CRADD: variants seen among roughly 807,000 people sequenced by gnomAD.
CRADD encodes death domain-containing protein CRADD.
In CRADD, 9 loss-of-function variants were observed where a neutral mutation model predicts 15.5. The observed-to-expected ratio is 0.58, with a 90% CI of 0.35 to 1.01. The LOEUF (loss-of-function observed/expected upper bound fraction) is 1.01. Among genes scored for constraint, CRADD ranks in the 50% least tolerant of loss-of-function variants. CRADD has a pLI of 0.02. For missense variants in CRADD, 227 were observed against 250.3 expected (o/e 0.91, Z 0.63); for synonymous variants, 118 against 107.6 (o/e 1.10, Z -0.60).
At chr12:93,871,495 G>C (rs1180435720) in intron 2 of CRADD, among the ~76,000 whole-genome samples, 1 of 152,000 alleles carries the variant, frequency 6.6e-6, no homozygotes, top group African/African-American at 2.4e-5. Flanking sequence ...TCAAATAGTA[G>C]GTCTTATTCA....
chr12:93,788,788 C>A (rs1421509352), intron 2 of CRADD, among the ~76,000 whole-genome samples: 1 of 152,118 alleles, frequency 6.6e-6, no homozygotes, highest in Non-Finnish European at 1.5e-5. Flanking sequence ...GTTTTCCCAC[C>A]ATTTAAGGGA....
chr12:93,733,044 T>C (rs1455330721), intron 2 of CRADD, among the ~76,000 whole-genome samples: 1 of 152,218 alleles, frequency 6.6e-6, no homozygotes, highest in Non-Finnish European at 1.5e-5. Context: ...GGAGTCATAA[T>C]GCTGACCTTT....
intron 2 of CRADD, among the ~76,000 whole-genome samples, chr12:93,759,139 A>G (rs1411436857): frequency 1.3e-5 from 2 of 152,232 alleles, no homozygotes; most frequent in Non-Finnish European, 2.9e-5. Context: ...GTGTTACACA[A>G]TTTGCTATGT....
chr12:93,682,532 G>A (rs1955336747), intron 2 of CRADD, among the ~76,000 whole-genome samples: 1 of 152,160 alleles, frequency 6.6e-6, no homozygotes, highest in African/African-American at 2.4e-5. Context: ...GGTCTTCCCA[G>A]AGATGCTTGG....
intron 2 of CRADD, among the ~76,000 whole-genome samples, chr12:93,883,366 T>A (rs1958515607): frequency 6.6e-6 from 1 of 152,228 alleles, no homozygotes; most frequent in African/African-American, 2.4e-5. Flanking sequence ...ACATTTAAAA[T>A]ATGAAGTATT....
chr12:93,775,140 A>G (rs1957127796), intron 2 of CRADD, among the ~76,000 whole-genome samples: 1 of 152,218 alleles, frequency 6.6e-6, no homozygotes, highest in South Asian at 2.1e-4. Flanking sequence ...GCTCACATTT[A>G]CCATTCATCG....
At chr12:93,681,127 G>T (rs781581018) in intron 2 of CRADD, among the ~76,000 whole-genome samples, 2 of 151,560 alleles carry the variant, frequency 1.3e-5, no homozygotes. Flanking sequence ...CAGGTGATCC[G>T]CCCACCTCGG....
intron 2 of CRADD, among the ~76,000 whole-genome samples, chr12:93,797,547 A>G (rs1179869464): frequency 6.6e-6 from 1 of 151,974 alleles, no homozygotes; most frequent in African/African-American, 2.4e-5. Flanking sequence ...TGGCAGTTTG[A>G]GCCAATTTTT....
intron 2 of CRADD, among the ~76,000 whole-genome samples, chr12:93,881,627 G>C (rs1958503320): frequency 6.6e-6 from 1 of 152,042 alleles, no homozygotes; most frequent in African/African-American, 2.4e-5. Flanking sequence ...AGGTACTGTT[G>C]GTATTACTGG....
chr12:93,827,922 A>G (rs1957843036), intron 2 of CRADD, among the ~76,000 whole-genome samples: 1 of 152,156 alleles, frequency 6.6e-6, no homozygotes, highest in African/African-American at 2.4e-5. Context: ...GGCAACCACT[A>G]TTCTCCGTTT....
In CRADD at chr12:93,742,974, G is replaced by A. The variant is rs1956699858; in HGVS notation, c.298+63902G>A. Among the ~76,000 whole-genome samples the A allele has an allele frequency of 2.0e-5, 3 of 152,130 alleles. No homozygotes were observed. The South Asian group carries it at 6.2e-4, about 31-fold the overall frequency. On this transcript the variant is annotated intron_variant, in intron 2 of 2. Coordinates refer to ENST00000332896, the MANE Select transcript of CRADD (RefSeq NM_003805.5). ...AAGTTCACTTTTGAAAAGAAATCCTGCAGAATTAAAAATAAATGTCTGCCC... is the reference window on the plus strand; with the variant it reads ...AAGTTCACTTTTGAAAAGAAATCCTACAGAATTAAAAATAAATGTCTGCCC...
At chr12:93,677,881 G>C (rs114229918) in intron 1 of CRADD, 1 of 152,670 alleles carries the variant, frequency 6.6e-6, no homozygotes, top group Non-Finnish European at 1.5e-5. Flanking sequence ...TACTGCCCGG[G>C]TGTGTCTGAA....
rs186899207 is a variant in CRADD at position 93,825,198 on chromosome 12, G to A, written c.299-24772G>A. On this transcript the variant is annotated intron_variant, in intron 2 of 2. Transcript: ENST00000332896. ...CTGGGAATTATACTTGAACTAGCCC[G>A]AAATTACTGCCCAGTAATCCTCTTT... Among the ~76,000 whole-genome samples, 42 of 152,252 alleles carry A rather than the reference G, an allele frequency of 2.8e-4. 1 individual carries two copies. In the East Asian group the frequency reaches 7.7e-3, roughly 28 times the overall value.
rs200554379 is a variant in CRADD at position 93,869,217 on chromosome 12, T to C, written c.299-24833T>C. The stretch of plus-strand genomic sequence containing the variant: ...TAGGAGTAAGAGCAAAAATAAAATA[T>C]AACTAGCTTAACAAAGCCTAGAAAC... On this transcript the variant is annotated intron_variant, in intron 2 of 2. Coordinates refer to the CRADD transcript ENST00000548483. Among the ~76,000 whole-genome samples the C allele has an allele frequency of 2.0e-5, 3 of 152,064 alleles. No homozygotes were observed. The East Asian group carries it at 5.8e-4, about 29-fold the overall frequency.
chr12:93,892,085 G>T (rs577390042), intron 2 of CRADD, among the ~76,000 whole-genome samples: 2 of 152,158 alleles, frequency 1.3e-5, no homozygotes, highest in Non-Finnish European at 2.9e-5. Context: ...GCTCAGAGAG[G>T]TGGGAGATAT....
At chr12:93,754,949 A>G (rs1194261972) in intron 2 of CRADD, among the ~76,000 whole-genome samples, 2 of 151,718 alleles carry the variant, frequency 1.3e-5, no homozygotes, top group African/African-American at 4.8e-5. Context: ...GAAATACTTG[A>G]GACTGGGTAA....
chr12:93,844,687 A>ATTG (rs1487827363), intron 2 of CRADD, among the ~76,000 whole-genome samples: 1 of 152,212 alleles, frequency 6.6e-6, no homozygotes, highest in Non-Finnish European at 1.5e-5. Context: ...GCAGAAACAC[A>ATTG]GACACTCCCT....
downstream of CRADD, among the ~76,000 whole-genome samples, chr12:93,855,430 T>TA (rs1421132901): frequency 1.3e-5 from 2 of 152,212 alleles, no homozygotes; most frequent in Non-Finnish European, 2.9e-5. Flanking sequence ...AGATTACTAA[T>TA]AAATACACAG....
At chr12:93,810,267 G>A (rs887793124) in intron 2 of CRADD, among the ~76,000 whole-genome samples, 10 of 152,030 alleles carry the variant, frequency 6.6e-5, no homozygotes, top group Admixed American at 2.0e-4. Context: ...AGGGAATTTC[G>A]GCTGGGCACG....
Sources: allele counts gnomAD v4.1 joint callset (sites outside exome capture counted in the v4.1 genomes callset), GRCh38; gene constraint gnomAD v4.1.1; transcripts MANE v1.5; gene names NCBI Gene and HGNC (gene_info 2026-07-23, HGNC 2026-07-21).